APBB2: variants seen among roughly 807,000 people sequenced by gnomAD.
The protein encoded by APBB2 is amyloid beta precursor protein binding family B member 2.
Under a neutral mutation model 82.5 loss-of-function variants are expected in APBB2, and 38 were observed. The ratio of observed to expected loss-of-function variants is 0.46; its 90% CI spans 0.36 to 0.60. The LOEUF (loss-of-function observed/expected upper bound fraction) is 0.60, where lower values mean the gene tolerates loss of function less well. APBB2 is among the 20% of genes least tolerant of loss of function. APBB2 has a pLI of 0.00. For synonymous variants in APBB2, 341 were observed against 368.2 expected (o/e 0.93, Z 0.85); for missense variants, 772 against 972.3 (o/e 0.79, Z 2.74).
intron 1 of APBB2, among the ~76,000 whole-genome samples, chr4:41,198,949 C>G (rs1218035333): frequency 6.6e-6 from 1 of 152,152 alleles, no homozygotes; most frequent in Non-Finnish European, 1.5e-5. Context: ...CCAAATTTCC[C>G]TCTTCTTCTA....
At chr4:40,951,824 A>G (rs1295174885) in intron 6 of APBB2, among the ~76,000 whole-genome samples, 5 of 152,226 alleles carry the variant, frequency 3.3e-5, no homozygotes, top group African/African-American at 4.8e-5. Flanking sequence ...TCGAGTCACT[A>G]AAGTCACAAT....
intron 3 of APBB2, among the ~76,000 whole-genome samples, chr4:41,066,508 C>A (rs73138583): frequency 0.12 from 18,943 of 152,190 alleles, 1,312 homozygotes; most frequent in Middle Eastern, 0.15. Flanking sequence ...ACTGGCCACC[C>A]TAGGGCCATG....
At chr4:41,076,695 T>C (rs1038087018) in intron 3 of APBB2, among the ~76,000 whole-genome samples, 9 of 152,062 alleles carry the variant, frequency 5.9e-5, no homozygotes, top group African/African-American at 2.2e-4. Context: ...TGAATAAAGA[T>C]GACAAGATGA....
chr4:41,049,553 G>A (rs1326605601), intron 4 of APBB2, among the ~76,000 whole-genome samples: 3 of 149,580 alleles, frequency 2.0e-5, no homozygotes, highest in Non-Finnish European at 4.4e-5. Context: ...CGGGAGGGAG[G>A]TGGGGGGCGC....
intron 4 of APBB2, among the ~76,000 whole-genome samples, chr4:41,041,231 TAAAGCAAAATTCAATA>T (rs1721366346): frequency 6.6e-6 from 1 of 152,054 alleles, no homozygotes; most frequent in Non-Finnish European, 1.5e-5. Context: ...AGTCAGAAAA[TAAAGCAAAATTCAATA>T]ACAGTCAACT....
chr4:40,810,830 T>C lies in APBB2; in HGVS notation c.*5262A>G, dbSNP rs1744261590. The C allele has an allele frequency of 6.6e-6, 1 of 152,180 alleles. No individual in the cohort carries two copies. The highest frequency in any genetic ancestry group is 2.1e-4 in the South Asian group (1 of 4,826). 9.4% of individuals were successfully genotyped at this position (152,180 alleles called of 1,614,324 possible). On this transcript the variant is annotated 3_prime_UTR_variant, in exon 18 of 18. Coordinates refer to ENST00000508593, the MANE Select transcript of APBB2 (RefSeq NM_004307.2). ...ATTTCTATCTGGTTGGTTAGGGTAG[T>C]CCATGCCTCAAGGAAGGCGGTGCAG...
intron 6 of APBB2, among the ~76,000 whole-genome samples, chr4:40,973,175 A>T (rs1468466417): frequency 6.6e-6 from 1 of 152,086 alleles, no homozygotes; most frequent in Non-Finnish European, 1.5e-5. Flanking sequence ...AACTCTATGG[A>T]CTACATCAAT....
chr4:41,042,142 C>A (rs1411628208), intron 4 of APBB2, among the ~76,000 whole-genome samples: 1 of 152,044 alleles, frequency 6.6e-6, no homozygotes, highest in Non-Finnish European at 1.5e-5. Flanking sequence ...AGGTGCGCAC[C>A]ACCACACCTG....
At chr4:40,913,761 C>T (rs372135074) in intron 10 of APBB2, among the ~76,000 whole-genome samples, 7 of 152,146 alleles carry the variant, frequency 4.6e-5, no homozygotes, top group Admixed American at 2.6e-4. Flanking sequence ...TTCACATTTT[C>T]GTGCCCTTTA....
At position 40,992,610 on chromosome 4, in the gene APBB2, A is replaced by G. The variant is rs138540392; in HGVS notation, c.835+20973T>C. On this transcript the variant is annotated intron_variant, in intron 6 of 17. Transcript: ENST00000508593. ...GTAGTAAGGAAGAGAGCAAACCAAC[A>G]CTTGGAAAATTGTTCAATGAGGTGT... Among the ~76,000 whole-genome samples the G allele has an allele frequency of 3.8e-4, 58 of 152,234 alleles. No individual in the cohort carries two copies. In the East Asian group the frequency reaches 9.6e-3, roughly 25 times the overall value.
At chr4:41,121,907 GTGTATGTGTGTA>G (rs1295113425) in intron 2 of APBB2, among the ~76,000 whole-genome samples, 12 of 151,760 alleles carry the variant, frequency 7.9e-5, no homozygotes, top group Admixed American at 7.9e-4. Flanking sequence ...GTGTGTGTGT[GTGTATGTGTGTA>G]TGTGTGTGTG....
intron 12 of APBB2, among the ~76,000 whole-genome samples, chr4:40,833,255 CA>C (rs1240791435): frequency 6.6e-6 from 1 of 152,236 alleles, no homozygotes; most frequent in Non-Finnish European, 1.5e-5. Flanking sequence ...GTCAACCACA[CA>C]AAGTCCAAAA....
At chr4:41,143,988 G>A (rs1019129237) in intron 1 of APBB2, among the ~76,000 whole-genome samples, 2 of 152,212 alleles carry the variant, frequency 1.3e-5, no homozygotes, top group South Asian at 4.1e-4. Flanking sequence ...TATGCTCACT[G>A]GTGGTGCAGC....
At position 41,090,142 on chromosome 4, in the gene APBB2, AG is replaced by A. The variant is rs1406202396; in HGVS notation, c.-149+10496del. ...AAGACATAATTTAAAAGAAGATTTA[AG>A]GGAAAAATTTGAATTTAACATTTCC... On this transcript the variant is annotated intron_variant, in intron 3 of 17. Coordinates refer to ENST00000508593, the MANE Select transcript of APBB2 (RefSeq NM_004307.2). Among the ~76,000 whole-genome samples, 6 of 152,318 alleles carry A rather than the reference AG, an allele frequency of 3.9e-5. No individual in the cohort carries two copies. The East Asian group carries it at 9.6e-4, about 24-fold the overall frequency.
At chr4:41,168,366 A>G (rs1767287346) in intron 1 of APBB2, among the ~76,000 whole-genome samples, 1 of 151,680 alleles carries the variant, frequency 6.6e-6, no homozygotes, top group Non-Finnish European at 1.5e-5. Context: ...CATTTTTTTA[A>G]TTATTTATTT....
At chr4:40,914,090 G>T (rs1779238128) in intron 10 of APBB2, among the ~76,000 whole-genome samples, 3 of 152,012 alleles carry the variant, frequency 2.0e-5, no homozygotes, top group Non-Finnish European at 4.4e-5. Flanking sequence ...ACAAAAATTG[G>T]CCAGGCAAGG....
intron 11 of APBB2, 23 bp from the exon 12 acceptor site, chr4:40,890,514 G>A (rs780037203): frequency 1.2e-6 from 2 of 1,612,770 alleles, no homozygotes; most frequent in South Asian, 2.2e-5. Context: ...GAGAAAACAC[G>A]CTGTCTTCTT....
At chr4:41,007,953 G>A (rs1807243603) in intron 6 of APBB2, among the ~76,000 whole-genome samples, 1 of 152,206 alleles carries the variant, frequency 6.6e-6, no homozygotes, top group Non-Finnish European at 1.5e-5. Context: ...TGGGAATACA[G>A]AGAAAGGACT....
At chr4:40,992,549 C>T (rs182210398) in intron 6 of APBB2, among the ~76,000 whole-genome samples, 200 of 152,174 alleles carry the variant, frequency 1.3e-3, no homozygotes, top group African/African-American at 1.6e-3. Context: ...ATTTTAGATA[C>T]GTGCTGAACA....
Sources: gnomAD v4.1 joint callset for allele counts (sites outside exome capture counted in the v4.1 genomes callset) on GRCh38, gnomAD v4.1.1 for gene constraint, MANE v1.5 for transcripts, NCBI Gene and HGNC (gene_info 2026-07-23, HGNC 2026-07-21) for gene names.